Variants in NCF2 observed in about 807,000 individuals in gnomAD.
NCF2 encodes neutrophil cytosolic factor 2.
NCF2 carries 45 observed loss-of-function variants against 70.9 expected under a neutral mutation model. The observed-to-expected ratio is 0.63, with a 90% confidence interval of 0.50 to 0.81. NCF2 has a LOEUF of 0.81. Ranked by LOEUF, NCF2 falls within the 40% of genes least tolerant of loss-of-function variation. NCF2 has a pLI of 0.00. For missense variants in NCF2, 522 were observed against 631.6 expected (o/e 0.83, Z 1.86); for synonymous variants, 203 against 233.6 (o/e 0.87, Z 1.19).
At chr1:183,568,133 C>A (rs76468779) in intron 7 of NCF2, among the ~76,000 whole-genome samples, 2 of 151,958 alleles carry the variant, frequency 1.3e-5, no homozygotes, top group East Asian at 3.9e-4. Flanking sequence ...TCATCCAGCC[C>A]CCTCATTTTT....
intron 2 of NCF2, among the ~76,000 whole-genome samples, chr1:183,585,412 T>G (rs1270250406): frequency 1.3e-5 from 2 of 151,976 alleles, no homozygotes; most frequent in Non-Finnish European, 2.9e-5. Context: ...GATCACAAGG[T>G]CAGGAGTTCG....
intron 3 of NCF2, among the ~76,000 whole-genome samples, chr1:183,575,108 A>C (rs1315654265): frequency 6.6e-6 from 1 of 152,220 alleles, no homozygotes; most frequent in South Asian, 2.1e-4. Context: ...CGGAAGATGG[A>C]TCAAGATGCA....
chr1:183,600,709 C>T, the NCF2 span, among the ~76,000 whole-genome samples: 1 of 151,914 alleles, frequency 6.6e-6, no homozygotes, highest in African/African-American at 2.4e-5. Context: ...GGGGCTTAGA[C>T]TCTTTTCTGG....
chr1:183,572,109 G>A (rs1270552546), intron 5 of NCF2, among the ~76,000 whole-genome samples: 4 of 152,324 alleles, frequency 2.6e-5, no homozygotes, highest in Non-Finnish European at 5.9e-5. Flanking sequence ...AATGTGTCAA[G>A]TCAAATGTGG....
intron 11 of NCF2, 158 bp from the exon 12 acceptor site, chr1:183,563,743 G>T: frequency 1.1e-6 from 1 of 946,252 alleles, no homozygotes. Flanking sequence ...AAGGCCTTCA[G>T]AGGTCCTTTA....
Position 183,563,267 on chromosome 1 carries a change from T to C in NCF2, c.1218A>G (p.Ser406=). 6.2e-7 allele frequency: 1 copy of C among 1,614,168 alleles called. No homozygotes were observed. The highest frequency in any genetic ancestry group is 8.5e-7 in the Non-Finnish European group (1 of 1,180,018). ...PRDSNELVPL[S]EDSMKDAWGQ... Reference sequence around the variant, plus strand: ...CCCAGGCATCCTTCATGCTGTCTTCTGAAAGGGGCACCAGCTCATTGCTGT... The same window carrying C: ...CCCAGGCATCCTTCATGCTGTCTTCCGAAAGGGGCACCAGCTCATTGCTGT... The change falls in exon 13 of 15, where the codon TCA becomes TCG. Residue 406 remains serine, a synonymous_variant. Transcript: ENST00000367535.
intron 3 of NCF2, among the ~76,000 whole-genome samples, chr1:183,576,426 T>C (rs1672802777): frequency 6.6e-6 from 1 of 152,196 alleles, no homozygotes; most frequent in African/African-American, 2.4e-5. Context: ...ATTAGCAATG[T>C]CTGGAGGGAT....
upstream of NCF2, among the ~76,000 whole-genome samples, chr1:183,593,260 C>T (rs1048616567): frequency 6.6e-6 from 1 of 152,182 alleles, no homozygotes; most frequent in African/African-American, 2.4e-5. Flanking sequence ...CCTGTCACCA[C>T]TCAGGCCAAG....
At chr1:183,560,315 C>G (rs778511922) in intron 13 of NCF2, 42 bp from the exon 14 acceptor site, 1 of 1,598,772 alleles carries the variant, frequency 6.3e-7, no homozygotes. Context: ...AATTTCCTGC[C>G]AAGTGAACAC....
upstream of NCF2, among the ~76,000 whole-genome samples, chr1:183,593,864 G>A (rs1451030173): frequency 2.6e-5 from 4 of 152,220 alleles, no homozygotes; most frequent in South Asian, 4.1e-4. Flanking sequence ...GAAGCCATGC[G>A]CTTCAGGAGG....
chr1:183,567,072 T>TG (rs1402565700), intron 8 of NCF2, 84 bp from the exon 9 acceptor site: 1 of 1,607,462 alleles, frequency 6.2e-7, no homozygotes, highest in African/African-American at 1.3e-5. Flanking sequence ...CCCAGAGTCC[T>TG]GGGGAAGGGA....
chr1:183,585,092 C>T (rs1673282436), intron 2 of NCF2, among the ~76,000 whole-genome samples: 1 of 152,154 alleles, frequency 6.6e-6, no homozygotes, highest in Admixed American at 6.5e-5. Flanking sequence ...ACTGCATCTA[C>T]ATCTTTAAGG....
At chr1:183,567,163 G>T (rs1672338382) in intron 8 of NCF2, 41 bp downstream of exon 8, 1 of 1,613,834 alleles carries the variant, frequency 6.2e-7, no homozygotes, top group African/African-American at 1.3e-5. Context: ...TTGCTGCCAG[G>T]ATCCCATGCC....
At chr1:183,599,476 T>TTC in the NCF2 span, among the ~76,000 whole-genome samples, 3 of 142,686 alleles carry the variant, frequency 2.1e-5, no homozygotes, top group African/African-American at 8.1e-5. Flanking sequence ...CTTTCTTTCT[T>TTC]TCTTTCTCTT....
chr1:183,574,408 G>A, intron 4 of NCF2, 79 bp downstream of exon 4: 2 of 1,595,132 alleles, frequency 1.3e-6, no homozygotes, highest in South Asian at 1.1e-5. Flanking sequence ...CACTTTTATG[G>A]CTTCTCAATG....
In NCF2 at chr1:183,559,152, G is replaced by A. The variant is rs138950569; in HGVS notation, c.1468+944C>T. Among the ~76,000 whole-genome samples, 99 of 152,270 alleles carry A rather than the reference G, an allele frequency of 6.5e-4. 1 individual carries two copies. In the East Asian group the frequency reaches 0.012, roughly 18 times the overall value. ...ACCTGAATCAGAATCTCTGGAGGGT[G>A]GGCCCAGGAATTGATTTAACAAACT... On this transcript the variant is annotated intron_variant, in intron 14 of 14. Coordinates refer to ENST00000367535, the MANE Select transcript of NCF2 (RefSeq NM_000433.4).
chr1:183,597,997 C>T, the NCF2 span: 16,965 of 152,184 alleles, frequency 0.11, 1,099 homozygotes, highest in African/African-American at 0.17. Flanking sequence ...TAGGTTATGT[C>T]TCCTGTGATT....
chr1:183,574,570 CT>C lies in NCF2; in HGVS notation c.417del (p.Ala140LeufsTer5). The C allele has an allele frequency of 6.2e-7, 1 of 1,614,192 alleles. No individual in the cohort carries two copies. The highest frequency in any genetic ancestry group is 8.5e-7 in the Non-Finnish European group (1 of 1,180,032). On this transcript the variant is annotated frameshift_variant, in exon 4 of 15. Coordinates refer to ENST00000367535, the MANE Select transcript of NCF2 (RefSeq NM_000433.4). LOFTEE classifies it high-confidence loss of function. ...GTGGCCAATGCTAACTGTTCTTCAG[CT>C]TTTTTCCATTCCTCCTTCTTGGCAT... ...FMYAKKEEWK[K>X]AEEQLALATS...
At chr1:183,580,751 C>T (rs535486562) in intron 2 of NCF2, among the ~76,000 whole-genome samples, 3 of 152,202 alleles carry the variant, frequency 2.0e-5, no homozygotes, top group East Asian at 3.9e-4. Flanking sequence ...CCAAGGCAGG[C>T]GGATCACTTG....
Sources: gnomAD v4.1 joint callset for allele counts (sites outside exome capture counted in the v4.1 genomes callset) on GRCh38, gnomAD v4.1.1 for gene constraint, MANE v1.5 for transcripts, NCBI Gene and HGNC (gene_info 2026-07-23, HGNC 2026-07-21) for gene names.